The following PDE4B variants were observed in gnomAD, a reference collection of about 807,000 sequenced individuals.
The protein encoded by PDE4B is phosphodiesterase 4B.
In PDE4B, 20 loss-of-function variants were observed where a neutral mutation model predicts 82.2. That is an observed-to-expected ratio of 0.24 (90% confidence interval 0.17 to 0.35). The LOEUF is 0.35. Among genes scored for constraint, PDE4B ranks in the 10% least tolerant of loss-of-function variants. The pLI, the probability that PDE4B is intolerant of heterozygous loss-of-function variation, is 1.00. For missense variants in PDE4B, 655 were observed against 907.2 expected, an observed-to-expected ratio of 0.72 and a Z score of 3.57; for synonymous variants, 320 against 318.9, an observed-to-expected ratio of 1.00 and a Z score of -0.04.
At chr1:66,061,587 T>C (rs1246987331) in intron 3 of PDE4B, among the ~76,000 whole-genome samples, 2 of 152,160 alleles carry the variant, frequency 1.3e-5, no homozygotes, top group Non-Finnish European at 2.9e-5. Context: ...GCTACACTCA[T>C]TGTGTAAAAT....
At chr1:66,326,154 G>C (rs1659738207) in intron 7 of PDE4B, among the ~76,000 whole-genome samples, 1 of 152,170 alleles carries the variant, frequency 6.6e-6, no homozygotes, top group South Asian at 2.1e-4. Flanking sequence ...AAAAGGAAAG[G>C]AAATGTTTTT....
At chr1:65,990,247 C>G (rs1056368931) in intron 3 of PDE4B, among the ~76,000 whole-genome samples, 1 of 152,102 alleles carries the variant, frequency 6.6e-6, no homozygotes, top group Admixed American at 6.5e-5. Context: ...TATTGTACTG[C>G]TTTAGGTAAG....
At chr1:65,967,954 A>G (rs2100616273) in intron 3 of PDE4B, among the ~76,000 whole-genome samples, 1 of 152,248 alleles carries the variant, frequency 6.6e-6, no homozygotes, top group African/African-American at 2.4e-5. Flanking sequence ...CCACCATGGC[A>G]TGTGTATACC....
chr1:66,037,451 G>T (rs1011551464), intron 3 of PDE4B, among the ~76,000 whole-genome samples: 44 of 151,940 alleles, frequency 2.9e-4, no homozygotes, highest in African/African-American at 1.1e-3. Flanking sequence ...ACTGATTTTT[G>T]TAAGTTGATT....
intron 1 of PDE4B, among the ~76,000 whole-genome samples, chr1:65,895,932 AAAT>A (rs58207336): frequency 0.19 from 27,489 of 143,568 alleles, 3,133 homozygotes; most frequent in Non-Finnish European, 0.26. Context: ...ATGAAAAAGA[AAAT>A]AATAATAATA....
At chr1:66,102,680 G>GA (rs919103318) in intron 3 of PDE4B, among the ~76,000 whole-genome samples, 11 of 151,688 alleles carry the variant, frequency 7.3e-5, no homozygotes, top group African/African-American at 1.5e-4. Context: ...TTTTGTATTA[G>GA]AAAAAAACAC....
intron 7 of PDE4B, among the ~76,000 whole-genome samples, chr1:66,330,029 G>A (rs1013715366): frequency 3.9e-5 from 6 of 152,196 alleles, no homozygotes; most frequent in Admixed American, 6.5e-5. Context: ...GCATTCATAG[G>A]TAGCAGGTGT....
chr1:66,136,257 G>A (rs978029677), intron 3 of PDE4B, among the ~76,000 whole-genome samples: 1 of 152,188 alleles, frequency 6.6e-6, no homozygotes, highest in Non-Finnish European at 1.5e-5. Context: ...TGGACTAGTT[G>A]ATATTTGTTC....
At chr1:65,901,046 G>A (rs1476511181) in intron 1 of PDE4B, among the ~76,000 whole-genome samples, 3 of 151,986 alleles carry the variant, frequency 2.0e-5, no homozygotes, top group African/African-American at 7.2e-5. Flanking sequence ...CTTAAGGGGA[G>A]TGCTTCCAGC....
intron 3 of PDE4B, among the ~76,000 whole-genome samples, chr1:66,173,088 T>G (rs1253647292): frequency 6.6e-6 from 1 of 152,182 alleles, no homozygotes; most frequent in East Asian, 1.9e-4. Context: ...TGTATCAGAT[T>G]GGGGGTAAAG....
intron 4 of PDE4B, among the ~76,000 whole-genome samples, chr1:66,255,456 G>A (rs561598921): frequency 1.2e-4 from 18 of 152,292 alleles, no homozygotes; most frequent in African/African-American, 3.4e-4. Context: ...CATAATATGA[G>A]CGTGGGAGGC....
At chr1:65,969,564 T>A (rs1265331271) in intron 3 of PDE4B, among the ~76,000 whole-genome samples, 1 of 152,198 alleles carries the variant, frequency 6.6e-6, no homozygotes, top group Non-Finnish European at 1.5e-5. Flanking sequence ...AAAACTTTTT[T>A]CTGAATATTT....
chr1:66,334,652 G>A (rs1233811895), intron 8 of PDE4B, among the ~76,000 whole-genome samples: 1 of 152,138 alleles, frequency 6.6e-6, no homozygotes, highest in Admixed American at 6.5e-5. Flanking sequence ...AGGTTGTCAG[G>A]GAAAGCAATT....
At chr1:66,181,343 C>T (rs1345758170) in intron 3 of PDE4B, among the ~76,000 whole-genome samples, 2 of 152,178 alleles carry the variant, frequency 1.3e-5, no homozygotes, top group Admixed American at 1.3e-4. Context: ...TTCTAGCTAA[C>T]CTAAACTCTT....
intron 7 of PDE4B, among the ~76,000 whole-genome samples, chr1:66,317,577 T>C (rs967625504): frequency 1.3e-5 from 2 of 152,188 alleles, no homozygotes; most frequent in Non-Finnish European, 2.9e-5. Flanking sequence ...TGTTTTTTTT[T>C]TTAAATTTCT....
intron 1 of PDE4B, among the ~76,000 whole-genome samples, chr1:65,806,387 C>T (rs1215740031): frequency 6.6e-6 from 1 of 152,078 alleles, no homozygotes; most frequent in Non-Finnish European, 1.5e-5. Flanking sequence ...TAATCACTTA[C>T]ACAATTAATT....
intron 1 of PDE4B, among the ~76,000 whole-genome samples, chr1:65,812,428 C>T (rs1004371193): frequency 6.6e-6 from 1 of 152,186 alleles, no homozygotes; most frequent in African/African-American, 2.4e-5. Flanking sequence ...TGCTGCTGCT[C>T]TCCCTGATCC....
intron 3 of PDE4B, among the ~76,000 whole-genome samples, chr1:66,124,188 A>G (rs1432149530): frequency 6.6e-6 from 1 of 152,224 alleles, no homozygotes; most frequent in Non-Finnish European, 1.5e-5. Flanking sequence ...GGCATAATGC[A>G]TAAATGTACT....
intron 9 of PDE4B, among the ~76,000 whole-genome samples, chr1:66,358,607 G>A (rs553843873): frequency 5.3e-5 from 8 of 150,752 alleles, no homozygotes; most frequent in Non-Finnish European, 1.2e-4. Flanking sequence ...CCAGGAGATG[G>A]AGGTTGCAGT....
Sources: allele counts gnomAD v4.1 joint callset (sites outside exome capture counted in the v4.1 genomes callset), GRCh38; gene constraint gnomAD v4.1.1; transcripts MANE v1.5; gene names NCBI Gene and HGNC (gene_info 2026-07-23, HGNC 2026-07-21).